ATP8B1: variants seen among roughly 807,000 people sequenced by gnomAD.
ATP8B1 encodes ATPase phospholipid transporting 8B1, also known as phospholipid-transporting ATPase IC.
ATP8B1 carries 80 observed loss-of-function variants against 149.9 expected under a neutral mutation model. The ratio of observed to expected loss-of-function variants is 0.53; its 90% confidence interval spans 0.45 to 0.64. The LOEUF (loss-of-function observed/expected upper bound fraction) is 0.64. ATP8B1 is among the 30% of genes least tolerant of loss of function. The pLI is 0.00. For synonymous variants in ATP8B1, 536 were observed against 562.8 expected (o/e 0.95, Z 0.67); for missense variants, 1,247 against 1,552.6 (o/e 0.80, Z 3.31).
In ATP8B1 at chr18:57,684,165, C is replaced by CAT. The variant is rs780273538; in HGVS notation, c.1499_1500dup (p.Ala501MetfsTer60). ...TCATAAAATGCAAGCTTCCCATCAG[C>CAT]ATATGTATTCCAGCTAAAATCAACT... is the stretch of plus-strand genomic sequence containing the variant. On this transcript the variant is annotated frameshift_variant, in exon 15 of 28. Coordinates refer to ENST00000648908, the MANE Select transcript of ATP8B1 (RefSeq NM_001374385.1). LOFTEE classifies it high-confidence loss of function. 5.0e-6 allele frequency: 8 copies of CAT among 1,614,068 alleles called. No homozygotes were observed. Among genetic ancestry groups the CAT allele is most frequent in the Non-Finnish European group, 5.9e-6 (7 of 1,179,944 alleles).
chr18:57,780,438 A>G (rs1411411892), intron 1 of ATP8B1, among the ~76,000 whole-genome samples: 1 of 152,218 alleles, frequency 6.6e-6, no homozygotes, highest in Non-Finnish European at 1.5e-5. Flanking sequence ...ATATATTAAC[A>G]GCTTCAGGAA....
rs146599962 is a variant in ATP8B1 at position 57,731,674 on chromosome 18, T to C, written c.134A>G (p.Asn45Ser). 4.3e-6 allele frequency: 7 copies of C among 1,613,942 alleles called. No individual in the cohort carries two copies. The highest frequency in any genetic ancestry group is 2.7e-5 in the African/African-American group (2 of 74,880). Residue 45 changes from asparagine to serine, a missense_variant, in exon 2 of 28, where the codon AAC (asparagine) becomes AGC (serine). Coordinates refer to ENST00000648908, the MANE Select transcript of ATP8B1 (RefSeq NM_001374385.1). Reference protein sequence around the residue: ...DQGSAVEPEQNRVNREAEENR... With the variant: ...DQGSAVEPEQSRVNREAEENR... ...CTCCTCTGCTTCCCTGTTGACTCGG[T>C]TTTGTTCTGGTTCAACAGCAGACCC...
chr18:57,728,171 T>G (rs566345170), intron 2 of ATP8B1, among the ~76,000 whole-genome samples: 4 of 152,186 alleles, frequency 2.6e-5, no homozygotes, highest in Admixed American at 2.6e-4. Flanking sequence ...AGCAACTTTC[T>G]GTGCTACAAC....
chr18:57,745,433 G>C (rs1048222516), intron 1 of ATP8B1, among the ~76,000 whole-genome samples: 2 of 152,010 alleles, frequency 1.3e-5, no homozygotes, highest in Non-Finnish European at 2.9e-5. Flanking sequence ...CACCATGCTC[G>C]AGTAATTTTT....
chr18:57,753,123 A>C (rs2080038752), intron 1 of ATP8B1, among the ~76,000 whole-genome samples: 1 of 152,034 alleles, frequency 6.6e-6, no homozygotes, highest in African/African-American at 2.4e-5. Flanking sequence ...CCGATTAAAG[A>C]AAAAAAAGAT....
intron 2 of ATP8B1, among the ~76,000 whole-genome samples, 169 bp from the exon 3 acceptor site, chr18:57,706,756 A>G (rs1410158595): frequency 6.6e-6 from 1 of 152,240 alleles, no homozygotes. Flanking sequence ...AAGTGAAGTC[A>G]TTAGAGAGGA....
chr18:57,657,649 A>G (rs1045033248), intron 22 of ATP8B1, among the ~76,000 whole-genome samples: 19 of 152,214 alleles, frequency 1.2e-4, no homozygotes, highest in Non-Finnish European at 2.5e-4. Context: ...AAAACACACA[A>G]ATATTTCCTA....
intron 1 of ATP8B1, among the ~76,000 whole-genome samples, chr18:57,746,505 A>C (rs2079965107): frequency 8.4e-6 from 1 of 118,362 alleles, no homozygotes; most frequent in Admixed American, 1.2e-4. Flanking sequence ...ACAGAGTCTC[A>C]CTCTGTCTCC....
intron 16 of ATP8B1, among the ~76,000 whole-genome samples, chr18:57,674,241 C>CAAAAAAAA (rs745500180): frequency 4.9e-4 from 40 of 81,850 alleles, no homozygotes; most frequent in Admixed American, 1.2e-3. Context: ...GACTCCATCT[C>CAAAAAAAA]AAAAAAAAAA....
At chr18:57,688,909 A>T (rs1275025134) in intron 12 of ATP8B1, among the ~76,000 whole-genome samples, 1 of 152,178 alleles carries the variant, frequency 6.6e-6, no homozygotes, top group Admixed American at 6.5e-5. Flanking sequence ...AACTCTGAGC[A>T]ATAAATTTCG....
intron 1 of ATP8B1, among the ~76,000 whole-genome samples, chr18:57,747,701 A>G (rs942170691): frequency 2.0e-5 from 3 of 152,186 alleles, no homozygotes; most frequent in African/African-American, 2.4e-5. Context: ...TCTTTTCTAG[A>G]TACTATCATG....
At position 57,662,529 on chromosome 18, in the gene ATP8B1, A is replaced by G. The variant is rs987452319; in HGVS notation, c.2372T>C (p.Phe791Ser). ...KFAPPVQESF[F>S]PPGGNRALII... ...TAAGGCACGGTTTCCACCGGGTGGA[A>G]AAAAAGATTCCTGCACAGGAGGTGC... The change falls in exon 21 of 28, where the codon TTT becomes TCT. Residue 791 changes from phenylalanine (F) to serine (S), a missense_variant. Phe to Ser is a radical substitution (Grantham distance 155). Around this residue, in one of 3 missense-constraint regions of ATP8B1, gnomAD observed 853 missense variants for 1,035.7 expected, o/e 0.82. Transcript: ENST00000648908. 18 of 1,614,096 alleles carry G rather than the reference A, an allele frequency of 1.1e-5. No homozygotes were observed. The Admixed American group carries it at 1.5e-4, about 13-fold the overall frequency.
chr18:57,657,749 T>A (rs2122610712), intron 22 of ATP8B1, among the ~76,000 whole-genome samples: 1 of 152,332 alleles, frequency 6.6e-6, no homozygotes, highest in Admixed American at 6.5e-5. Context: ...GCTGAGATTC[T>A]CTTGGCTTAT....
At chr18:57,694,732 T>G in intron 10 of ATP8B1, 62 bp from the exon 11 acceptor site, 2 of 1,130,816 alleles carry the variant, frequency 1.8e-6, no homozygotes, top group Non-Finnish European at 2.7e-6. Flanking sequence ...AGCTCACCAA[T>G]AAAATTACTC....
rs1275442827 is a variant in ATP8B1 at position 57,701,259 on chromosome 18, C to T, written c.448G>A (p.Val150Met). The T allele has an allele frequency of 6.2e-7, 1 of 1,614,228 alleles. No individual in the cohort carries two copies. The highest frequency in any genetic ancestry group is 8.5e-7 in the Non-Finnish European group (1 of 1,180,042). The change falls in exon 5 of 28, where the codon GTG (valine) becomes ATG (methionine). Residue 150 changes from valine (V) to methionine (M), a missense_variant. By Grantham distance (21) the Val-to-Met change is conservative. This residue lies in a region of ATP8B1 where 853 missense variants were observed against 1,035.7 expected (regional missense o/e 0.82). Transcript: ENST00000648908. ...TTGATTGCAGTGACGCCCAGCACCA[C>T]AAGCAGGGGCACTAGTGTGGTGTAC... ...AWYTTLVPLLVVLGVTAIKDL... is the reference protein window; with the variant it reads ...AWYTTLVPLLMVLGVTAIKDL...
In ATP8B1 at chr18:57,650,389, A is replaced by G; in HGVS notation, c.3509T>C (p.Ile1170Thr). 2.5e-6 allele frequency: 4 copies of G among 1,613,744 alleles called. No homozygotes were observed. Among genetic ancestry groups the G allele is most frequent in the Admixed American group, 1.7e-5 (1 of 60,002 alleles). Reference sequence around the variant, plus strand: ...TACCTTATCACTTTCTGATGGCCAGATGGTCATTGACAGGAATCGAATGGC... The same window carrying G: ...TACCTTATCACTTTCTGATGGCCAGGTGGTCATTGACAGGAATCGAATGGC... ...VVAIRFLSMTIWPSESDKIQK... is the reference protein window; with the variant it reads ...VVAIRFLSMTTWPSESDKIQK... Residue 1170 changes from isoleucine to threonine, a missense_variant, in exon 27 of 28, where the codon ATC becomes ACC. Transcript: ENST00000648908.
chr18:57,777,618 G>A (rs767610050), intron 1 of ATP8B1, among the ~76,000 whole-genome samples: 3 of 152,108 alleles, frequency 2.0e-5, no homozygotes, highest in Non-Finnish European at 2.9e-5. Flanking sequence ...GCCCAAGCTG[G>A]AGTGCACCGG....
intron 22 of ATP8B1, 28 bp from the exon 23 acceptor site, chr18:57,655,445 G>C (rs1452070898): frequency 1.3e-6 from 2 of 1,599,560 alleles, no homozygotes; most frequent in South Asian, 2.2e-5. Flanking sequence ...AAAACACTGT[G>C]GATCATAAAC....
intron 1 of ATP8B1, among the ~76,000 whole-genome samples, chr18:57,738,773 T>C (rs538606533): frequency 1.3e-5 from 2 of 152,130 alleles, no homozygotes; most frequent in East Asian, 3.9e-4. Context: ...GAGATCCCTC[T>C]AACTAGACTT....
Sources: gnomAD v4.1 joint callset for allele counts (sites outside exome capture counted in the v4.1 genomes callset) on GRCh38, gnomAD v4.1.1 for gene constraint, gnomAD v4.1.1 regional missense constraint, MANE v1.5 for transcripts, NCBI Gene and HGNC (gene_info 2026-07-23, HGNC 2026-07-21) for gene names.